Variants in ZC2HC1A observed in about 807,000 individuals in gnomAD.
ZC2HC1A encodes zinc finger C2HC domain-containing protein 1A.
In ZC2HC1A, 28 loss-of-function variants were observed where a neutral mutation model predicts 40.7. That is an observed-to-expected ratio of 0.69 (90% CI 0.51 to 0.94). The LOEUF (loss-of-function observed/expected upper bound fraction) is 0.94. Ranked by LOEUF, ZC2HC1A falls within the 40% of genes least tolerant of loss-of-function variation. ZC2HC1A has a pLI of 0.00. For synonymous variants in ZC2HC1A, 129 were observed against 129.2 expected (o/e 1.00, Z 0.01); for missense variants, 389 against 386.3 (o/e 1.01, Z -0.06).
chr8:78,701,569 TG>T (rs2130562948), intron 7 of ZC2HC1A, among the ~76,000 whole-genome samples: 1 of 152,338 alleles, frequency 6.6e-6, no homozygotes, highest in East Asian at 1.9e-4. Context: ...CTTTGTCTTG[TG>T]CCAGTTTTCA....
chr8:78,684,302 C>T (rs1325261457), intron 3 of ZC2HC1A, among the ~76,000 whole-genome samples: 1 of 152,194 alleles, frequency 6.6e-6, no homozygotes, highest in Non-Finnish European at 1.5e-5. Flanking sequence ...GCCTCACAAT[C>T]ATGGTGGAAG....
chr8:78,717,464 G>T lies in ZC2HC1A; in HGVS notation c.949G>T (p.Glu317Ter). The T allele has an allele frequency of 6.3e-7, 1 of 1,579,324 alleles. No homozygotes were observed. Among genetic ancestry groups the T allele is most frequent in the Non-Finnish European group, 8.6e-7 (1 of 1,167,334 alleles). ...TGTAGAATGGGCCAAATTTTGCTGT[G>T]AATGTGGCATTCGAAGAATGATTCT... ...YPVEWAKFCCECGIRRMIL is the reference protein window; with the variant it reads ...YPVEWAKFCC The change falls in exon 9 of 9, where the codon GAA becomes TAA. Residue 317 changes from glutamate to a stop codon, truncating the protein, a stop_gained. Transcript: ENST00000263849. LOFTEE classifies it high-confidence loss of function.
chr8:78,682,787 G>A (rs1283502421), intron 3 of ZC2HC1A, among the ~76,000 whole-genome samples: 3 of 152,134 alleles, frequency 2.0e-5, no homozygotes, highest in Non-Finnish European at 4.4e-5. Flanking sequence ...TCTGAGACAA[G>A]GCAAGTTTCT....
intron 7 of ZC2HC1A, among the ~76,000 whole-genome samples, chr8:78,701,227 C>G (rs1810592471): frequency 6.6e-6 from 1 of 152,090 alleles, no homozygotes; most frequent in African/African-American, 2.4e-5. Flanking sequence ...TACCTGTATT[C>G]TTAGGTATTT....
chr8:78,707,086 A>G lies in ZC2HC1A; in HGVS notation c.705-8135A>G, dbSNP rs76636461. Among the ~76,000 whole-genome samples the G allele has an allele frequency of 1.7e-4, 26 of 152,338 alleles. No homozygotes were observed. The East Asian group carries it at 5.0e-3, about 29-fold the overall frequency. On this transcript the variant is annotated intron_variant, in intron 7 of 8. Coordinates refer to ENST00000263849, the MANE Select transcript of ZC2HC1A (RefSeq NM_016010.3). ...CAATGAGTTGACTCATTGGATGATT[A>G]AGTGAAGTATAGACATAGCAATATG...
chr8:78,667,805 T>G (rs1809343343), intron 1 of ZC2HC1A, among the ~76,000 whole-genome samples: 1 of 152,158 alleles, frequency 6.6e-6, no homozygotes, highest in South Asian at 2.1e-4. Context: ...TTACTACGAA[T>G]GTTTTTAAAA....
chr8:78,692,846 A>AG (rs1464610895), intron 5 of ZC2HC1A, among the ~76,000 whole-genome samples: 2 of 152,002 alleles, frequency 1.3e-5, no homozygotes, highest in African/African-American at 2.4e-5. Context: ...CTCGTCATTT[A>AG]CATGGAGTAT....
chr8:78,712,136 A>C, intron 7 of ZC2HC1A: 3 of 1,213,826 alleles, frequency 2.5e-6, no homozygotes, highest in Non-Finnish European at 3.2e-6. Flanking sequence ...TTTGGTTAAT[A>C]TTTTTCAGAT....
chr8:78,684,461 AC>A (rs1809892186), intron 3 of ZC2HC1A, among the ~76,000 whole-genome samples: 2 of 152,114 alleles, frequency 1.3e-5, no homozygotes, highest in Admixed American at 1.3e-4. Context: ...TGATTCAATT[AC>A]CTCCTACCGA....
chr8:78,690,388 G>A (rs371474341), intron 5 of ZC2HC1A, among the ~76,000 whole-genome samples: 4 of 152,012 alleles, frequency 2.6e-5, no homozygotes, highest in Non-Finnish European at 5.9e-5. Context: ...GTGAAACCCC[G>A]TCTCTAATAA....
At chr8:78,667,607 CCTA>C (rs1809334761) in intron 1 of ZC2HC1A, among the ~76,000 whole-genome samples, 1 of 151,804 alleles carries the variant, frequency 6.6e-6, no homozygotes, top group African/African-American at 2.4e-5. Flanking sequence ...ATCCTAGGCA[CCTA>C]AAACAATGTC....
chr8:78,689,441 A>T, intron 5 of ZC2HC1A, 68 bp downstream of exon 5: 1 of 1,409,352 alleles, frequency 7.1e-7, no homozygotes, highest in South Asian at 1.7e-5. Flanking sequence ...ATTATTGTTT[A>T]TGCTTTTCAT....
chr8:78,698,350 A>T, intron 6 of ZC2HC1A, 64 bp from the exon 7 acceptor site: 1 of 1,294,440 alleles, frequency 7.7e-7, no homozygotes, highest in Non-Finnish European at 1.1e-6. Context: ...TTCCTTTGTT[A>T]GATGCTCTGT....
chr8:78,702,009 C>A (rs1008934715), intron 7 of ZC2HC1A, among the ~76,000 whole-genome samples: 7 of 151,902 alleles, frequency 4.6e-5, no homozygotes, highest in African/African-American at 1.7e-4. Flanking sequence ...GAGTTGAGTC[C>A]CTTCTTCTCA....
chr8:78,706,828 A>G (rs1328070851), intron 7 of ZC2HC1A, among the ~76,000 whole-genome samples: 2 of 152,192 alleles, frequency 1.3e-5, no homozygotes, highest in Non-Finnish European at 2.9e-5. Context: ...TTCAGACTAC[A>G]TAGAAAATGG....
chr8:78,684,813 A>G (rs1370901511), intron 3 of ZC2HC1A, among the ~76,000 whole-genome samples: 1 of 152,202 alleles, frequency 6.6e-6, no homozygotes, highest in Non-Finnish European at 1.5e-5. Flanking sequence ...AAGATACAAG[A>G]CTTCCACAAA....
rs1465631045 is a variant in ZC2HC1A at position 78,719,277 on chromosome 8, GGATA to G, written c.*1789_*1792del. 1.3e-5 allele frequency: 2 copies of G among 151,634 alleles called. No individual in the cohort carries two copies. Among genetic ancestry groups the G allele is most frequent in the African/African-American group, 2.4e-5 (1 of 41,394 alleles). 9.4% of individuals were successfully genotyped at this position (151,634 alleles called of 1,614,324 possible). On this transcript the variant is annotated 3_prime_UTR_variant, in exon 9 of 9. Transcript: ENST00000263849. ...AATTCTTTTTGTCTGCTCAAGGAAA[GGATA>G]GATAAATAATTGGCACACATTTGTT...
intron 7 of ZC2HC1A, among the ~76,000 whole-genome samples, chr8:78,701,703 G>C (rs568815387): frequency 6.6e-6 from 1 of 152,126 alleles, no homozygotes; most frequent in African/African-American, 2.4e-5. Context: ...TAACGTGAAG[G>C]GATGTTGAAT....
chr8:78,701,807 G>A (rs1047555940), intron 7 of ZC2HC1A, among the ~76,000 whole-genome samples: 1 of 152,168 alleles, frequency 6.6e-6, no homozygotes, highest in African/African-American at 2.4e-5. Context: ...ATTTGCATAT[G>A]CGGAGTCAAC....
Sources: allele counts gnomAD v4.1 joint callset (sites outside exome capture counted in the v4.1 genomes callset), GRCh38; gene constraint gnomAD v4.1.1; transcripts MANE v1.5; gene names NCBI Gene and HGNC (gene_info 2026-07-23, HGNC 2026-07-21).